The following PRKD1 variants were observed in gnomAD, a reference collection of about 807,000 sequenced individuals.
PRKD1 encodes the protein serine/threonine-protein kinase D1.
In PRKD1, 63 loss-of-function variants were observed where a neutral mutation model predicts 95.9. That is an observed-to-expected ratio of 0.66 (90% confidence interval 0.54 to 0.81). PRKD1 has a LOEUF of 0.81. Ranked by LOEUF, PRKD1 falls within the 30% of genes least tolerant of loss-of-function variation. The pLI, the probability that PRKD1 is intolerant of heterozygous loss-of-function variation, is 0.00. For missense variants in PRKD1, 1,048 were observed against 1,165.3 expected (o/e 0.90, Z 1.47); for synonymous variants, 425 against 423.1 (o/e 1.00, Z -0.05).
intron 1 of PRKD1, among the ~76,000 whole-genome samples, chr14:29,833,835 A>G (rs1891508244): frequency 1.3e-5 from 2 of 151,814 alleles, no homozygotes; most frequent in Non-Finnish European, 2.9e-5. Flanking sequence ...AATCCCTTTT[A>G]CTCCTCTATT....
chr14:29,637,930 T>G (rs1233590250), intron 6 of PRKD1, among the ~76,000 whole-genome samples: 1 of 152,212 alleles, frequency 6.6e-6, no homozygotes, highest in Non-Finnish European at 1.5e-5. Flanking sequence ...AGTCAAATAT[T>G]TTGGTAGTGA....
intron 13 of PRKD1, among the ~76,000 whole-genome samples, chr14:29,601,273 G>T (rs1418580379): frequency 6.6e-6 from 1 of 152,162 alleles, no homozygotes; most frequent in East Asian, 1.9e-4. Flanking sequence ...CAGGAGCTCT[G>T]ATGATGATAA....
chr14:29,658,223 G>A (rs1235138861), intron 4 of PRKD1, among the ~76,000 whole-genome samples: 2 of 152,144 alleles, frequency 1.3e-5, no homozygotes, highest in African/African-American at 4.8e-5. Context: ...GCTGCATGCT[G>A]TTCAGCTCAT....
intron 13 of PRKD1, among the ~76,000 whole-genome samples, chr14:29,608,106 CTGCCAATCTGGATGCATCCATTT>C (rs1204105167): frequency 6.6e-6 from 1 of 152,160 alleles, no homozygotes; most frequent in African/African-American, 2.4e-5. Flanking sequence ...ATCCATGTAT[CTGCCAATCTGGATGCATCCATTT>C]TGCCAATCTG....
intron 7 of PRKD1, among the ~76,000 whole-genome samples, chr14:29,635,168 C>A (rs982625896): frequency 6.6e-6 from 1 of 152,194 alleles, no homozygotes; most frequent in East Asian, 1.9e-4. Flanking sequence ...CAGACTCACA[C>A]ATGAAAGCTT....
At position 29,576,574 on chromosome 14, in the gene PRKD1, A is replaced by G. The variant is rs1452860912; in HGVS notation, c.*664T>C. The G allele has an allele frequency of 6.5e-6, 1 of 153,770 alleles. No homozygotes were observed. Among genetic ancestry groups the G allele is most frequent in the Non-Finnish European group, 1.5e-5 (1 of 68,814 alleles). The allele number at this position is 153,770 out of a possible 1,614,324, so 9.5% of individuals were successfully genotyped here. On this transcript the variant is annotated 3_prime_UTR_variant, in exon 18 of 18. Coordinates refer to ENST00000331968, the MANE Select transcript of PRKD1 (RefSeq NM_002742.3). ...ATAGTACAACAGAGTATTATAAGAA[A>G]GAGGGAAATGTATCTGTTATATATG...
At chr14:29,881,304 C>CA (rs1893503576) in intron 1 of PRKD1, among the ~76,000 whole-genome samples, 1 of 152,142 alleles carries the variant, frequency 6.6e-6, no homozygotes, top group African/African-American at 2.4e-5. Flanking sequence ...CAGGGGCTTC[C>CA]ACTTTTGCTC....
intron 1 of PRKD1, among the ~76,000 whole-genome samples, chr14:29,885,478 T>C (rs951939144): frequency 2.0e-5 from 3 of 152,122 alleles, no homozygotes; most frequent in Non-Finnish European, 4.4e-5. Context: ...TCCCATTTAC[T>C]CTGTACTTAA....
chr14:29,683,428 T>C (rs1289425534), intron 2 of PRKD1, among the ~76,000 whole-genome samples: 1 of 152,182 alleles, frequency 6.6e-6, no homozygotes, highest in Non-Finnish European at 1.5e-5. Context: ...GCCAGTGGGA[T>C]ATCCAAGTGG....
chr14:29,590,501 G>C (rs1893089920), intron 16 of PRKD1, among the ~76,000 whole-genome samples: 1 of 152,152 alleles, frequency 6.6e-6, no homozygotes, highest in South Asian at 2.1e-4. Context: ...GTGGATGTGA[G>C]AGCTTTTACG....
chr14:29,777,868 T>C (rs560352986), intron 1 of PRKD1, among the ~76,000 whole-genome samples: 1 of 152,312 alleles, frequency 6.6e-6, no homozygotes, highest in South Asian at 2.1e-4. Context: ...ATCACACTTA[T>C]TCCAAAATTG....
At chr14:29,729,979 C>T (rs11627865) in intron 1 of PRKD1, among the ~76,000 whole-genome samples, 31,658 of 151,694 alleles carry the variant, frequency 0.21, 3,484 homozygotes, top group South Asian at 0.27. Flanking sequence ...GTATGGGCAA[C>T]GATTTTTTTA....
At chr14:29,649,826 C>T (rs1343087087) in intron 4 of PRKD1, among the ~76,000 whole-genome samples, 1 of 152,050 alleles carries the variant, frequency 6.6e-6, no homozygotes, top group Non-Finnish European at 1.5e-5. Context: ...GATTTTCCTC[C>T]CATTTCCTCC....
intron 1 of PRKD1, among the ~76,000 whole-genome samples, chr14:29,826,838 T>TATACATATATATATAC (rs1324100560): frequency 5.7e-5 from 1 of 17,440 alleles, no homozygotes; most frequent in African/African-American, 2.1e-4. Context: ...TATATATATA[T>TATACATATATATATAC]ACACACATAT....
intron 2 of PRKD1, among the ~76,000 whole-genome samples, chr14:29,705,932 G>A (rs1033587306): frequency 3.9e-5 from 6 of 152,058 alleles, no homozygotes; most frequent in African/African-American, 1.4e-4. Flanking sequence ...GAATATTTGT[G>A]TATAAACTTT....
At position 29,619,183 on chromosome 14, in the gene PRKD1, G is replaced by C. The variant is rs1879077659; in HGVS notation, c.1905+4969C>G. Reference sequence around the variant, plus strand: ...ATCACGGTACTTTTTTTTTTTAACAGATGAGAGTTAGTGAGTTGCAAGCCA... The same window carrying C: ...ATCACGGTACTTTTTTTTTTTAACACATGAGAGTTAGTGAGTTGCAAGCCA... On this transcript the variant is annotated intron_variant, in intron 13 of 17. Coordinates refer to ENST00000331968, the MANE Select transcript of PRKD1 (RefSeq NM_002742.3). Among the ~76,000 whole-genome samples, 3 of 151,238 alleles carry C rather than the reference G, an allele frequency of 2.0e-5. No individual in the cohort carries two copies. In the South Asian group the frequency reaches 6.3e-4, roughly 32 times the overall value.
In PRKD1 at chr14:29,600,136, T is replaced by C. The variant is rs139175940; in HGVS notation, c.1906-319A>G. On this transcript the variant is annotated intron_variant, in intron 13 of 17. Coordinates refer to ENST00000331968, the MANE Select transcript of PRKD1 (RefSeq NM_002742.3). Reference sequence around the variant, plus strand: ...TATAATTTCTTAGGATCATCCCCAATATTAAACATATTGTCCTAACTAAGC... The same window carrying C: ...TATAATTTCTTAGGATCATCCCCAACATTAAACATATTGTCCTAACTAAGC... Among the ~76,000 whole-genome samples, 42 of 152,302 alleles carry C rather than the reference T, an allele frequency of 2.8e-4. 1 individual carries two copies. The East Asian group carries it at 6.4e-3, about 23-fold the overall frequency.
chr14:29,695,910 G>T, intron 2 of PRKD1, among the ~76,000 whole-genome samples: 1 of 152,150 alleles, frequency 6.6e-6, no homozygotes, highest in African/African-American at 2.4e-5. Flanking sequence ...GAGGTTGATA[G>T]CATTTTACAA....
intron 1 of PRKD1, among the ~76,000 whole-genome samples, chr14:29,802,689 A>G (rs1028126366): frequency 6.6e-6 from 1 of 152,230 alleles, no homozygotes; most frequent in Non-Finnish European, 1.5e-5. Context: ...TTATCCAAGG[A>G]AAAGAATCTT....
Sources: gnomAD v4.1 joint callset for allele counts (sites outside exome capture counted in the v4.1 genomes callset) on GRCh38, gnomAD v4.1.1 for gene constraint, MANE v1.5 for transcripts, NCBI Gene and HGNC (gene_info 2026-07-23, HGNC 2026-07-21) for gene names.